HS6ST3: variants seen among roughly 807,000 people sequenced by gnomAD.
The protein encoded by HS6ST3 is heparan sulfate 6-O-sulfotransferase 3, also known as heparan-sulfate 6-O-sulfotransferase 3.
In HS6ST3, 12 loss-of-function variants were observed where a neutral mutation model predicts 36.7. The observed-to-expected ratio is 0.33, with a 90% CI of 0.21 to 0.53. The LOEUF is 0.53. Among genes scored for constraint, HS6ST3 ranks in the 20% least tolerant of loss-of-function variants. HS6ST3 has a pLI of 0.95. For missense variants in HS6ST3, 584 were observed against 640.9 expected, an observed-to-expected ratio of 0.91 and a Z score of 0.96; for synonymous variants, 240 against 257.5, an observed-to-expected ratio of 0.93 and a Z score of 0.65.
intron 1 of HS6ST3, among the ~76,000 whole-genome samples, chr13:96,217,764 CTATG>C (rs753273750): frequency 2.0e-5 from 3 of 151,936 alleles, no homozygotes; most frequent in Non-Finnish European, 2.9e-5. Context: ...GTGTGTGTGA[CTATG>C]TATGTATATA....
At chr13:96,595,648 C>A (rs1163953476) in intron 1 of HS6ST3, among the ~76,000 whole-genome samples, 1 of 151,824 alleles carries the variant, frequency 6.6e-6, no homozygotes, top group Non-Finnish European at 1.5e-5. Context: ...TTCTATTCTC[C>A]CTCTTACATT....
chr13:96,131,960 T>C (rs2053978021), intron 1 of HS6ST3, among the ~76,000 whole-genome samples: 1 of 152,070 alleles, frequency 6.6e-6, no homozygotes, highest in Non-Finnish European at 1.5e-5. Flanking sequence ...AACATTACAC[T>C]CTGAGTTCAA....
At chr13:96,351,560 C>T (rs557020260) in intron 1 of HS6ST3, among the ~76,000 whole-genome samples, 2 of 152,106 alleles carry the variant, frequency 1.3e-5, no homozygotes, top group Non-Finnish European at 2.9e-5. Flanking sequence ...GATCTGCCGA[C>T]CTTAACCTCC....
At chr13:96,586,326 A>G (rs144860591) in intron 1 of HS6ST3, among the ~76,000 whole-genome samples, 40 of 151,806 alleles carry the variant, frequency 2.6e-4, no homozygotes, top group Admixed American at 8.5e-4. Flanking sequence ...GATGATGTCT[A>G]GCTCTGTCGT....
chr13:96,577,472 CAT>C (rs1212920895), intron 1 of HS6ST3, among the ~76,000 whole-genome samples: 1 of 152,154 alleles, frequency 6.6e-6, no homozygotes, highest in Non-Finnish European at 1.5e-5. Context: ...CTGCAATAAA[CAT>C]ATGTGTGCAT....
At chr13:96,206,580 A>G (rs894364175) in intron 1 of HS6ST3, among the ~76,000 whole-genome samples, 1 of 152,240 alleles carries the variant, frequency 6.6e-6, no homozygotes, top group Non-Finnish European at 1.5e-5. Context: ...TACAGTAACC[A>G]AAACAGCATG....
At chr13:96,637,155 C>G (rs1189123043) in intron 1 of HS6ST3, among the ~76,000 whole-genome samples, 1 of 151,938 alleles carries the variant, frequency 6.6e-6, no homozygotes, top group Non-Finnish European at 1.5e-5. Flanking sequence ...TTATATAACT[C>G]TGTGTTAATT....
At chr13:96,265,049 C>A (rs1236368503) in intron 1 of HS6ST3, among the ~76,000 whole-genome samples, 1 of 152,136 alleles carries the variant, frequency 6.6e-6, no homozygotes, top group Non-Finnish European at 1.5e-5. Flanking sequence ...AACTTACTTC[C>A]ACTCCATTCT....
intron 1 of HS6ST3, among the ~76,000 whole-genome samples, chr13:96,317,101 G>T (rs2054973849): frequency 6.6e-6 from 1 of 151,596 alleles, no homozygotes; most frequent in African/African-American, 2.4e-5. Flanking sequence ...TAGTTTTTCA[G>T]CCCATGCCTT....
chr13:96,284,573 GT>G (rs1415594652), intron 1 of HS6ST3, among the ~76,000 whole-genome samples: 2 of 152,154 alleles, frequency 1.3e-5, no homozygotes, highest in Non-Finnish European at 2.9e-5. Context: ...CAGATTGAGG[GT>G]GGGTCTGCCT....
At chr13:96,694,481 G>A (rs1048322435) in intron 1 of HS6ST3, among the ~76,000 whole-genome samples, 1 of 152,112 alleles carries the variant, frequency 6.6e-6, no homozygotes, top group Admixed American at 6.6e-5. Context: ...ATATATGAAT[G>A]CATGTGTCTT....
At chr13:96,631,813 G>T (rs1294984731) in intron 1 of HS6ST3, among the ~76,000 whole-genome samples, 1 of 152,148 alleles carries the variant, frequency 6.6e-6, no homozygotes, top group Non-Finnish European at 1.5e-5. Flanking sequence ...AGTAACGAGA[G>T]GTCATCAGAA....
At chr13:96,111,413 A>T (rs1465428776) in intron 1 of HS6ST3, among the ~76,000 whole-genome samples, 1 of 152,224 alleles carries the variant, frequency 6.6e-6, no homozygotes, top group Non-Finnish European at 1.5e-5. Context: ...GAACAGAATA[A>T]TGTGTGTGCC....
chr13:96,658,208 T>C (rs146945590), intron 1 of HS6ST3, among the ~76,000 whole-genome samples: 41 of 151,924 alleles, frequency 2.7e-4, no homozygotes, highest in African/African-American at 8.9e-4. Context: ...TTTATTGCTA[T>C]GTACTCTTCT....
chr13:96,784,206 A>T (rs1460978400), intron 1 of HS6ST3, among the ~76,000 whole-genome samples: 2 of 152,202 alleles, frequency 1.3e-5, no homozygotes, highest in African/African-American at 4.8e-5. Context: ...AATGACAGTA[A>T]CAAAACCCCT....
At chr13:96,627,960 C>T (rs965443257) in intron 1 of HS6ST3, among the ~76,000 whole-genome samples, 7 of 151,664 alleles carry the variant, frequency 4.6e-5, no homozygotes, top group African/African-American at 1.4e-4. Context: ...ATTTTGTTTT[C>T]AAAGAAATAA....
rs35048783 is a variant in HS6ST3 at position 96,650,243 on chromosome 13, A to G, written c.708-182247A>G. Among the ~76,000 whole-genome samples, 309 of 152,186 alleles carry G rather than the reference A, an allele frequency of 2.0e-3. 2 individuals are homozygous for G. Among genetic ancestry groups the G allele is most frequent in the Middle Eastern group, 6.8e-3 (2 of 294 alleles). ...CTATTGTTTACCATGTATATCCCCA[A>G]CTAGCTGTTAAGCTGCAGAAGAACA... On this transcript the variant is annotated intron_variant, in intron 1 of 1. Transcript: ENST00000376705.
chr13:96,627,895 G>T (rs1325865371), intron 1 of HS6ST3, among the ~76,000 whole-genome samples: 1 of 151,356 alleles, frequency 6.6e-6, no homozygotes, highest in South Asian at 2.1e-4. Context: ...CTCAGTTATT[G>T]TTTATTTGTA....
intron 1 of HS6ST3, among the ~76,000 whole-genome samples, chr13:96,479,804 C>T (rs993906427): frequency 2.5e-4 from 38 of 152,174 alleles, no homozygotes; most frequent in African/African-American, 8.4e-4. Context: ...TTTGGGCACT[C>T]GTCCTACATG....
Sources: allele counts gnomAD v4.1 joint callset (sites outside exome capture counted in the v4.1 genomes callset), GRCh38; gene constraint gnomAD v4.1.1; transcripts MANE v1.5; gene names NCBI Gene and HGNC (gene_info 2026-07-23, HGNC 2026-07-21).